MORC1: variants seen among roughly 807,000 people sequenced by gnomAD.
The protein encoded by MORC1 is MORC family CW-type zinc finger 1, also known as MORC family CW-type zinc finger protein 1.
MORC1 carries 59 observed loss-of-function variants against 134.9 expected under a neutral mutation model. The observed-to-expected ratio is 0.44, with a 90% CI of 0.35 to 0.54. MORC1 has a LOEUF of 0.54. Ranked by LOEUF, MORC1 falls within the 20% of genes least tolerant of loss-of-function variation. The probability of loss-of-function intolerance (pLI) is 0.00; values close to 1 mark genes in which losing one functional copy is unlikely to be tolerated. For missense variants in MORC1, 947 were observed against 1,134.5 expected (o/e 0.83, Z 2.37); for synonymous variants, 395 against 391.7 (o/e 1.01, Z -0.10).
intron 25 of MORC1, 97 bp from the exon 26 acceptor site, chr3:108,969,819 A>C: frequency 8.1e-7 from 1 of 1,235,754 alleles, no homozygotes; most frequent in Admixed American, 1.8e-5. Context: ...TATAAAAAGC[A>C]TCAAAGCCTA....
At chr3:109,099,850 G>C (rs1331085571) in intron 5 of MORC1, among the ~76,000 whole-genome samples, 1 of 152,160 alleles carries the variant, frequency 6.6e-6, no homozygotes, top group African/African-American at 2.4e-5. Flanking sequence ...ACATAGAGAT[G>C]CAACAAAGCA....
intron 14 of MORC1, among the ~76,000 whole-genome samples, chr3:109,041,801 G>A (rs761032356): frequency 1.3e-5 from 2 of 152,088 alleles, no homozygotes; most frequent in South Asian, 2.1e-4. Flanking sequence ...AGCTGAGATC[G>A]TGCCATTGCA....
At position 109,015,194 on chromosome 3, in the gene MORC1, C is replaced by T. The variant is rs891913392; in HGVS notation, c.1705-8103G>A. ...CCACCACACCCAGCCCCAAATGAAA[C>T]GTTTTAAGGTAGTACAGAAGCAAGA... On this transcript the variant is annotated intron_variant, in intron 17 of 27. Coordinates refer to ENST00000232603, the MANE Select transcript of MORC1 (RefSeq NM_014429.4). Among the ~76,000 whole-genome samples the T allele has an allele frequency of 5.3e-5, 8 of 151,998 alleles. No individual in the cohort carries two copies. In the East Asian group the frequency reaches 5.8e-4, roughly 11 times the overall value.
Position 108,984,826 on chromosome 3 carries a change from C to T in MORC1, c.2258-44G>A, listed in dbSNP as rs777317586. The T allele has an allele frequency of 1.6e-5, 24 of 1,502,646 alleles. 1 individual carries two copies. In the East Asian group the frequency reaches 5.3e-4, roughly 33 times the overall value. 93.1% of individuals were successfully genotyped at this position (1,502,646 alleles called of 1,614,324 possible). A position where few individuals can be genotyped will look rare whatever the true frequency, so the allele number is the denominator to read the frequency against. ...AAACAATCGCATTTGGATGATCACA[C>T]AATAAACTGAACCAAAAGAAATGTT... On this transcript the variant is annotated intron_variant, in intron 22 of 27. Coordinates refer to ENST00000232603, the MANE Select transcript of MORC1 (RefSeq NM_014429.4).
intron 16 of MORC1, among the ~76,000 whole-genome samples, chr3:109,029,350 G>C (rs537287143): frequency 6.6e-6 from 1 of 152,278 alleles, no homozygotes; most frequent in South Asian, 2.1e-4. Context: ...TTTCAGAAAA[G>C]AACCTGTGAC....
chr3:109,090,485 T>C (rs1190887257), intron 8 of MORC1, among the ~76,000 whole-genome samples: 1 of 151,726 alleles, frequency 6.6e-6, no homozygotes, highest in Non-Finnish European at 1.5e-5. Context: ...CCTGGAGTAG[T>C]GGCACATGCT....
chr3:109,058,870 T>C (rs1950019345), intron 12 of MORC1, among the ~76,000 whole-genome samples: 1 of 152,098 alleles, frequency 6.6e-6, no homozygotes. Flanking sequence ...TCATGGCAAC[T>C]GGCATTATTA....
At chr3:109,069,850 G>A in intron 8 of MORC1, 93 bp from the exon 9 acceptor site, 1 of 1,330,952 alleles carries the variant, frequency 7.5e-7, no homozygotes, top group South Asian at 1.9e-5. Flanking sequence ...GGTTATTATT[G>A]TTACTACAAG....
intron 20 of MORC1, among the ~76,000 whole-genome samples, chr3:109,001,777 C>A (rs991035326): frequency 2.0e-5 from 3 of 152,100 alleles, no homozygotes; most frequent in Non-Finnish European, 2.9e-5. Flanking sequence ...ATGTAAATAC[C>A]TCACAAGACT....
At chr3:109,048,240 G>A (rs534646454) in intron 14 of MORC1, among the ~76,000 whole-genome samples, 132 of 152,204 alleles carry the variant, frequency 8.7e-4, no homozygotes, top group African/African-American at 3.1e-3. Flanking sequence ...TTTATGACAG[G>A]AGATAATTAG....
chr3:109,093,461 T>C lies in MORC1; in HGVS notation c.664A>G (p.Ile222Val). The C allele has an allele frequency of 2.5e-6, 4 of 1,613,522 alleles. No individual in the cohort carries two copies. Among genetic ancestry groups the C allele is most frequent in the Non-Finnish European group, 3.4e-6 (4 of 1,179,484 alleles). The change falls in exon 8 of 28, where the codon ATA (isoleucine) becomes GTA (valine). Residue 222 changes from isoleucine (I) to valine (V), a missense_variant. Ile to Val is a conservative substitution (Grantham distance 29). Around this residue, in one of 3 missense-constraint regions of MORC1, gnomAD observed 214 missense variants for 281.3 expected, o/e 0.76. Transcript: ENST00000232603. Reference sequence around the variant, plus strand: ...TCCTCCAGAGCTCCAGCCATCAGTATATCTTCTTTGTCAGTTTTAACATCC... The same window carrying C: ...TCCTCCAGAGCTCCAGCCATCAGTACATCTTCTTTGTCAGTTTTAACATCC... ...ELDVKTDKED[I>V]LMAGALEDFP...
chr3:109,066,752 CTG>C (rs1950205281), intron 9 of MORC1, among the ~76,000 whole-genome samples: 1 of 152,142 alleles, frequency 6.6e-6, no homozygotes, highest in Admixed American at 6.5e-5. Flanking sequence ...ACATAAAACA[CTG>C]TTTTATTTTA....
At chr3:109,053,190 G>GC (rs1231943559) in intron 14 of MORC1, among the ~76,000 whole-genome samples, 1 of 151,490 alleles carries the variant, frequency 6.6e-6, no homozygotes, top group African/African-American at 2.4e-5. Context: ...AATTTGTCTC[G>GC]CCACTATGGA....
chr3:109,060,734 C>T, intron 11 of MORC1, among the ~76,000 whole-genome samples: 1 of 152,106 alleles, frequency 6.6e-6, no homozygotes. Flanking sequence ...AACCAGAGTG[C>T]ATCAGAGCAA....
chr3:109,047,693 T>C (rs1949724348), intron 14 of MORC1, among the ~76,000 whole-genome samples: 1 of 152,174 alleles, frequency 6.6e-6, no homozygotes, highest in South Asian at 2.1e-4. Flanking sequence ...CATATTTTAA[T>C]CTTTTAATTG....
chr3:109,013,392 G>A (rs543246846), intron 17 of MORC1, among the ~76,000 whole-genome samples: 12 of 152,266 alleles, frequency 7.9e-5, no homozygotes, highest in African/African-American at 2.9e-4. Context: ...CACAAGCCTA[G>A]CTTCTTTTCC....
At chr3:108,982,665 C>A (rs1947767784) in intron 23 of MORC1, among the ~76,000 whole-genome samples, 1 of 147,838 alleles carries the variant, frequency 6.8e-6, no homozygotes, top group African/African-American at 2.5e-5. Flanking sequence ...ACCAACATGG[C>A]ACATGTATAC....
chr3:109,001,338 C>G (rs1948400579), intron 20 of MORC1, among the ~76,000 whole-genome samples: 1 of 152,112 alleles, frequency 6.6e-6, no homozygotes, highest in African/African-American at 2.4e-5. Flanking sequence ...CAATCTGTCA[C>G]CATTTCTTCA....
chr3:109,108,315 CCA>C (rs1301892806), intron 3 of MORC1, among the ~76,000 whole-genome samples: 1 of 152,200 alleles, frequency 6.6e-6, no homozygotes, highest in Non-Finnish European at 1.5e-5. Flanking sequence ...CTGCTGGTCT[CCA>C]GTCACAAACC....
Sources: gnomAD v4.1 joint callset for allele counts (sites outside exome capture counted in the v4.1 genomes callset) on GRCh38, gnomAD v4.1.1 for gene constraint, gnomAD v4.1.1 regional missense constraint, MANE v1.5 for transcripts, NCBI Gene and HGNC (gene_info 2026-07-23, HGNC 2026-07-21) for gene names.